The following PLCL2 variants were observed in gnomAD, a reference collection of about 807,000 sequenced individuals.
The protein encoded by PLCL2 is phospholipase C like 2.
In PLCL2, 4 loss-of-function variants were observed where a neutral mutation model predicts 79.6. The ratio of observed to expected loss-of-function variants is 0.05; its 90% CI spans 0.02 to 0.11. The LOEUF is 0.11. Among genes scored for constraint, PLCL2 ranks in the 10% least tolerant of loss-of-function variants. The pLI, the probability that PLCL2 is intolerant of heterozygous loss-of-function variation, is 1.00. For missense variants in PLCL2, 895 were observed against 1,291.0 expected (o/e 0.69, Z 4.70); for synonymous variants, 484 against 457.7 (o/e 1.06, Z -0.73).
rs73816258 is a variant in PLCL2 at position 16,908,847 on chromosome 3, A to G, written c.327+23481A>G. On this transcript the variant is annotated intron_variant, in intron 1 of 5. Transcript: ENST00000615277. ...AAATTAATAAAAGTGTGATATGAGTAGAGACTATTGGAAATATATAATGTA... is the reference window on the plus strand; with the variant it reads ...AAATTAATAAAAGTGTGATATGAGTGGAGACTATTGGAAATATATAATGTA... 4.1e-3 allele frequency among the ~76,000 whole-genome samples: 624 copies of G among 152,326 alleles called. 6 individuals are homozygous for G. Among genetic ancestry groups the G allele is most frequent in the African/African-American group, 0.014 (587 of 41,580 alleles).
intron 1 of PLCL2, among the ~76,000 whole-genome samples, chr3:16,963,988 A>T (rs1036101525): frequency 1.3e-5 from 2 of 152,162 alleles, no homozygotes; most frequent in Non-Finnish European, 2.9e-5. Context: ...TAAAAGTTAT[A>T]ATAATTAAAG....
At chr3:17,053,925 T>A (rs1357517702) in intron 4 of PLCL2, among the ~76,000 whole-genome samples, 2 of 152,196 alleles carry the variant, frequency 1.3e-5, no homozygotes, top group Admixed American at 1.3e-4. Flanking sequence ...AGTATTTGCC[T>A]TTTAGTTATA....
rs989601668 is a variant in PLCL2, at chr3:17,010,388, T to C, written c.1042T>C (p.Leu348=). ...TACTAGACCTGAAATTTATTTCCTT[T>C]TAGTTCAGTTTTCAAGCAATAAAGA... The part of the protein sequence containing the change: ...LCTRPEIYFL[L]VQFSSNKEFL... The change falls in exon 2 of 6, where the codon TTA becomes CTA. Residue 348 remains leucine (L), a synonymous_variant. Coordinates refer to ENST00000615277, the MANE Select transcript of PLCL2 (RefSeq NM_001144382.2). The surrounding 1 kb of genome is among the most constrained non-coding windows in gnomAD (Gnocchi z 5.8). 3 of 1,613,770 alleles carry C rather than the reference T, an allele frequency of 1.9e-6. No homozygotes were observed. Among genetic ancestry groups the C allele is most frequent in the Non-Finnish European group, 2.5e-6 (3 of 1,179,880 alleles).
chr3:16,904,306 C>CAAAAAAAA lies in PLCL2; in HGVS notation c.327+18944_327+18951dup, dbSNP rs547582289. ...CCTTAACCTTTTCAAGAGATCTTGACAAAAAAAAAAAGCAAACTTTGGAGT... is the reference window on the plus strand; with the variant it reads ...CCTTAACCTTTTCAAGAGATCTTGACAAAAAAAAAAAAAAAAAAAGCAAACTTTGGAGT... On this transcript the variant is annotated intron_variant, in intron 1 of 5. Transcript: ENST00000615277. 6.1e-4 allele frequency among the ~76,000 whole-genome samples: 71 copies of CAAAAAAAA among 116,114 alleles called. 1 individual carries two copies. Among genetic ancestry groups the CAAAAAAAA allele is most frequent in the Non-Finnish European group, 1.2e-3 (66 of 54,886 alleles). 76.2% of individuals were successfully genotyped at this position (116,114 alleles called of 152,430 possible). A position where few individuals can be genotyped will look rare whatever the true frequency, so the allele number is the denominator to read the frequency against.
chr3:16,939,952 T>A (rs1407896356), intron 1 of PLCL2, among the ~76,000 whole-genome samples: 1 of 152,154 alleles, frequency 6.6e-6, no homozygotes, highest in Non-Finnish European at 1.5e-5. Flanking sequence ...ACCTGAGGGC[T>A]TAGGGTCTAA....
intron 1 of PLCL2, among the ~76,000 whole-genome samples, chr3:16,960,909 G>A (rs927232725): frequency 6.6e-6 from 1 of 152,102 alleles, no homozygotes; most frequent in Non-Finnish European, 1.5e-5. Context: ...TGACTTCATG[G>A]TTATTAATTG....
At chr3:16,888,370 T>G (rs1294000255) in intron 1 of PLCL2, among the ~76,000 whole-genome samples, 2 of 152,232 alleles carry the variant, frequency 1.3e-5, no homozygotes. Context: ...ATGTTAACAG[T>G]GTTGATTAAA....
chr3:16,924,831 T>A (rs1439876590), intron 1 of PLCL2, among the ~76,000 whole-genome samples: 2 of 152,224 alleles, frequency 1.3e-5, no homozygotes, highest in Non-Finnish European at 2.9e-5. Context: ...GCAATGATTT[T>A]TACTAGGTAT....
chr3:16,939,434 G>A (rs1195013129), intron 1 of PLCL2, among the ~76,000 whole-genome samples: 1 of 152,160 alleles, frequency 6.6e-6, no homozygotes, highest in Non-Finnish European at 1.5e-5. Context: ...TGATTATATA[G>A]ACTGCCTTGA....
chr3:17,013,005 C>T (rs537548791), intron 2 of PLCL2, among the ~76,000 whole-genome samples: 6 of 152,298 alleles, frequency 3.9e-5, no homozygotes, highest in Middle Eastern at 3.4e-3. Context: ...GAAAATTCAA[C>T]GTTTTTTCCC....
At chr3:16,964,728 G>T (rs2124973161) in intron 1 of PLCL2, among the ~76,000 whole-genome samples, 1 of 152,014 alleles carries the variant, frequency 6.6e-6, no homozygotes, top group African/African-American at 2.4e-5. Context: ...GGTGTGAGAT[G>T]GTATCTCATT....
At chr3:16,969,388 C>T (rs554150887) in intron 1 of PLCL2, among the ~76,000 whole-genome samples, 5 of 151,840 alleles carry the variant, frequency 3.3e-5, no homozygotes, top group African/African-American at 9.6e-5. Context: ...TTTTCTAGTT[C>T]GTAGGCTTTT....
chr3:17,089,363 T>C (rs2065251623), intron 5 of PLCL2, among the ~76,000 whole-genome samples: 1 of 152,226 alleles, frequency 6.6e-6, no homozygotes, highest in African/African-American at 2.4e-5. Context: ...AGTTTATACT[T>C]ATTTCAAAAT....
At chr3:16,922,565 T>C (rs1697148099) in intron 1 of PLCL2, among the ~76,000 whole-genome samples, 1 of 152,212 alleles carries the variant, frequency 6.6e-6, no homozygotes, top group Non-Finnish European at 1.5e-5. Flanking sequence ...TATGCATTTT[T>C]AACAGAGGGC....
chr3:16,924,895 G>A (rs6783752), intron 1 of PLCL2, among the ~76,000 whole-genome samples: 63,214 of 151,490 alleles, frequency 0.42, 13,317 homozygotes, highest in East Asian at 0.6. Flanking sequence ...GATTCCATGT[G>A]TATGGAATTT....
At chr3:16,987,056 CT>C (rs1233307772) in intron 1 of PLCL2, among the ~76,000 whole-genome samples, 1 of 150,914 alleles carries the variant, frequency 6.6e-6, no homozygotes, top group African/African-American at 2.4e-5. Context: ...AAATGTCAGA[CT>C]TTTTTTTCCT....
intron 3 of PLCL2, among the ~76,000 whole-genome samples, chr3:17,025,192 A>G (rs974285877): frequency 8.5e-5 from 13 of 152,206 alleles, no homozygotes; most frequent in African/African-American, 2.9e-4. Flanking sequence ...CAGTGATAAT[A>G]TAATTTTATT....
At chr3:17,059,815 G>A (rs2064930087) in intron 4 of PLCL2, among the ~76,000 whole-genome samples, 1 of 152,138 alleles carries the variant, frequency 6.6e-6, no homozygotes, top group Admixed American at 6.6e-5. Context: ...TTTTAAAATT[G>A]TGGAACCATA....
At chr3:17,059,450 G>GTGTATATATGTATACACT (rs2064924200) in intron 4 of PLCL2, among the ~76,000 whole-genome samples, 2 of 147,146 alleles carry the variant, frequency 1.4e-5, no homozygotes, top group Non-Finnish European at 3.0e-5. Context: ...ATGTGTGTGT[G>GTGTATATATGTATACACT]TGTATATATA....
Sources: allele counts gnomAD v4.1 joint callset (sites outside exome capture counted in the v4.1 genomes callset), GRCh38; gene constraint gnomAD v4.1.1; non-coding constraint Gnocchi (gnomAD v3.1); transcripts MANE v1.5; gene names NCBI Gene and HGNC (gene_info 2026-07-23, HGNC 2026-07-21).